SERINC5: variants seen among roughly 807,000 people sequenced by gnomAD.
The protein encoded by SERINC5 is chromosome 5 open reading frame 12.
SERINC5 carries 41 observed loss-of-function variants against 63.1 expected under a neutral mutation model. The ratio of observed to expected loss-of-function variants is 0.65; its 90% CI spans 0.51 to 0.84. The LOEUF is 0.84. Ranked by LOEUF, SERINC5 falls within the 40% of genes least tolerant of loss-of-function variation. The pLI is 0.00. For missense variants in SERINC5, 523 were observed against 573.0 expected (o/e 0.91, Z 0.89); for synonymous variants, 222 against 215.2 (o/e 1.03, Z -0.28).
At chr5:80,192,639 C>T (rs1369166645) in intron 2 of SERINC5, among the ~76,000 whole-genome samples, 2 of 152,060 alleles carry the variant, frequency 1.3e-5, no homozygotes, top group East Asian at 3.9e-4. Context: ...AAAAATAAAC[C>T]CCACACTGAT....
chr5:80,152,857 C>T (rs1746275130), intron 8 of SERINC5, among the ~76,000 whole-genome samples: 1 of 152,196 alleles, frequency 6.6e-6, no homozygotes, highest in African/African-American at 2.4e-5. Flanking sequence ...AGGAAAATTG[C>T]TTGACACTCA....
intron 2 of SERINC5, chr5:80,198,441 A>G: frequency 1.2e-6 from 1 of 811,256 alleles, no homozygotes; most frequent in Non-Finnish European, 1.5e-6. Flanking sequence ...TCTGCAACCA[A>G]GGCAAAAACT....
chr5:80,236,495 A>G (rs1464021842), intron 1 of SERINC5, among the ~76,000 whole-genome samples: 4 of 151,744 alleles, frequency 2.6e-5, no homozygotes, highest in Non-Finnish European at 4.4e-5. Flanking sequence ...TTTTCCTCCC[A>G]TCAAATACTT....
intron 11 of SERINC5, among the ~76,000 whole-genome samples, chr5:80,121,370 G>C (rs1744536635): frequency 6.6e-6 from 1 of 152,134 alleles, no homozygotes; most frequent in African/African-American, 2.4e-5. Flanking sequence ...GTGAGAGTTG[G>C]TGTGGTGGTG....
intron 8 of SERINC5, among the ~76,000 whole-genome samples, chr5:80,154,426 G>A (rs564494153): frequency 4.7e-4 from 71 of 152,036 alleles, no homozygotes; most frequent in Non-Finnish European, 8.2e-4. Flanking sequence ...CGATCCACCC[G>A]CCTTGCCCTC....
At chr5:80,165,834 C>T (rs1026858875) in intron 7 of SERINC5, among the ~76,000 whole-genome samples, 18 of 152,180 alleles carry the variant, frequency 1.2e-4, no homozygotes, top group African/African-American at 3.9e-4. Flanking sequence ...GTCTGTCCTA[C>T]ACACCAGGAA....
At chr5:80,221,981 C>CA (rs1474567767) in intron 1 of SERINC5, among the ~76,000 whole-genome samples, 7 of 151,758 alleles carry the variant, frequency 4.6e-5, no homozygotes, top group Non-Finnish European at 1.0e-4. Context: ...ATCAGCTCTA[C>CA]AAAAAAATTT....
Position 80,139,057 on chromosome 5 carries a change from C to A in SERINC5, c.*4606G>T. The A allele has an allele frequency of 2.0e-6, 2 of 983,486 alleles. No homozygotes were observed. The highest frequency in any genetic ancestry group is 2.4e-6 in the Non-Finnish European group (2 of 828,258). The allele number at this position is 983,486 out of a possible 1,614,324, so 60.9% of individuals were successfully genotyped here. On this transcript the variant is annotated 3_prime_UTR_variant, in exon 12 of 12. Coordinates refer to ENST00000507668, the MANE Select transcript of SERINC5 (RefSeq NM_001174072.3). ...ATAACTTTCAAAAGTTACCAAAATT[C>A]GAATCATATCAGAGACCATTATAAA...
Position 80,177,415 on chromosome 5 carries a change from A to T in SERINC5, c.375-18T>A. On this transcript the variant is annotated intron_variant, in intron 3 of 11. Transcript: ENST00000507668. ...ACCAAAAGCTAGAAGTGGGGGGAAAAAAAAGAGGAAATGTATTTAAATGAC... is the reference window on the plus strand; with the variant it reads ...ACCAAAAGCTAGAAGTGGGGGGAAATAAAAGAGGAAATGTATTTAAATGAC... 1 of 1,591,610 alleles carries T rather than the reference A, an allele frequency of 6.3e-7. No individual in the cohort carries two copies. The highest frequency in any genetic ancestry group is 8.6e-7 in the Non-Finnish European group (1 of 1,160,020).
intron 1 of SERINC5, among the ~76,000 whole-genome samples, chr5:80,219,227 C>T (rs922229778): frequency 6.6e-6 from 1 of 152,186 alleles, no homozygotes; most frequent in Non-Finnish European, 1.5e-5. Flanking sequence ...GGGTCGCCCT[C>T]ACTCCTCTAG....
In SERINC5 at chr5:80,133,387, G is replaced by C. The variant is rs188002152; in HGVS notation, c.1238+12703C>G. On this transcript the variant is annotated intron_variant, in intron 11 of 12. Coordinates refer to the SERINC5 transcript ENST00000509193. ...AAAAGGGGGCCTGAGTTACATACTG[G>C]CAGCTCAATTACACTGTCACTTGTA... 6.6e-5 allele frequency among the ~76,000 whole-genome samples: 10 copies of C among 152,274 alleles called. No individual in the cohort carries two copies. In the East Asian group the frequency reaches 1.9e-3, roughly 29 times the overall value.
intron 1 of SERINC5, among the ~76,000 whole-genome samples, chr5:80,242,958 T>C (rs944526293): frequency 2.6e-5 from 4 of 152,282 alleles, no homozygotes; most frequent in East Asian, 1.9e-4. Context: ...TTCCCTGCTA[T>C]ACAAACCTCT....
At chr5:80,130,566 C>G (rs1744907128) in intron 11 of SERINC5, among the ~76,000 whole-genome samples, 1 of 152,162 alleles carries the variant, frequency 6.6e-6, no homozygotes, top group South Asian at 2.1e-4. Context: ...TTCAGATACT[C>G]AAATCTCTTC....
chr5:80,209,371 C>T (rs922103792), intron 1 of SERINC5, among the ~76,000 whole-genome samples: 1 of 152,164 alleles, frequency 6.6e-6, no homozygotes, highest in Non-Finnish European at 1.5e-5. Context: ...AGGGACAGCA[C>T]AACAACACGG....
chr5:80,223,554 T>C (rs559327394), intron 1 of SERINC5, among the ~76,000 whole-genome samples: 29 of 152,324 alleles, frequency 1.9e-4, no homozygotes, highest in African/African-American at 7.0e-4. Flanking sequence ...CTGGTTAGTA[T>C]CACTAACTTT....
chr5:80,166,648 T>G (rs1473444795), intron 6 of SERINC5, 170 bp from the exon 7 acceptor site: 2 of 515,798 alleles, frequency 3.9e-6, no homozygotes, highest in Non-Finnish European at 7.0e-6. Context: ...TAAAAAGATA[T>G]TAAGGGGGAG....
intron 1 of SERINC5, among the ~76,000 whole-genome samples, chr5:80,211,337 G>C (rs1004335323): frequency 9.2e-5 from 14 of 152,128 alleles, no homozygotes; most frequent in African/African-American, 3.1e-4. Flanking sequence ...CCAGAAGAAT[G>C]CCCTGAAGAT....
intron 3 of SERINC5, 23 bp downstream of exon 3, chr5:80,177,863 C>G: frequency 3.2e-6 from 5 of 1,578,230 alleles, no homozygotes; most frequent in Non-Finnish European, 4.3e-6. Flanking sequence ...GAAAGCAATC[C>G]CCAAGAAGAC....
At chr5:80,123,779 C>A (rs1192207929) in intron 11 of SERINC5, among the ~76,000 whole-genome samples, 1 of 152,204 alleles carries the variant, frequency 6.6e-6, no homozygotes, top group East Asian at 1.9e-4. Context: ...CAGTATTGAC[C>A]TCCCCTTTCC....
Sources: allele counts gnomAD v4.1 joint callset (sites outside exome capture counted in the v4.1 genomes callset), GRCh38; gene constraint gnomAD v4.1.1; transcripts MANE v1.5; gene names NCBI Gene and HGNC (gene_info 2026-07-23, HGNC 2026-07-21).